GLYATL2: variants seen among roughly 807,000 people sequenced by gnomAD.
GLYATL2 encodes glycine N-acyltransferase-like protein 2.
A neutral mutation model predicts 21.4 loss-of-function variants in GLYATL2; 25 were observed. That is an observed-to-expected ratio of 1.17 (90% confidence interval 0.85 to 1.63). The LOEUF is 1.63. Among genes scored for constraint, GLYATL2 ranks in the 40% most tolerant of loss-of-function variants. The pLI, the probability that GLYATL2 is intolerant of heterozygous loss-of-function variation, is 0.00. For missense variants in GLYATL2, 361 were observed against 343.3 expected (o/e 1.05, Z -0.41); for synonymous variants, 114 against 118.2 (o/e 0.96, Z 0.23).
intron 1 of GLYATL2, among the ~76,000 whole-genome samples, chr11:58,857,399 C>T (rs1853848166): frequency 6.6e-6 from 1 of 152,144 alleles, no homozygotes; most frequent in Non-Finnish European, 1.5e-5. Context: ...AGAGAGCTTC[C>T]CTGGGTGATT....
At chr11:58,893,442 G>T in intron 1 of GLYATL2, 1 of 235,052 alleles carries the variant, frequency 4.3e-6, no homozygotes, top group South Asian at 8.4e-5. Context: ...GCTACCCACA[G>T]AATCTAGTTC....
At chr11:58,883,871 G>C (rs577978339) in intron 1 of GLYATL2, among the ~76,000 whole-genome samples, 2 of 152,140 alleles carry the variant, frequency 1.3e-5, no homozygotes, top group South Asian at 2.1e-4. Flanking sequence ...TATTCACCAC[G>C]ATCAAGTGGG....
intron 1 of GLYATL2, among the ~76,000 whole-genome samples, chr11:58,876,957 A>G (rs1327953279): frequency 2.0e-5 from 3 of 152,214 alleles, no homozygotes; most frequent in Non-Finnish European, 4.4e-5. Context: ...CTTCCAGGCC[A>G]CTTTGTTTAC....
At position 58,854,033 on chromosome 11, in the gene GLYATL2, C is replaced by T. The variant is rs570105824; in HGVS notation, n.61-15665G>A. 1.8e-4 allele frequency among the ~76,000 whole-genome samples: 28 copies of T among 152,266 alleles called. No individual in the cohort carries two copies. In the South Asian group the frequency reaches 5.8e-3, roughly 32 times the overall value. Reference sequence around the variant, plus strand: ...ATGAATTTAACTTTTTCAGATTTCACATATAAGGTAGATAATGTGATATTT... The same window carrying T: ...ATGAATTTAACTTTTTCAGATTTCATATATAAGGTAGATAATGTGATATTT... On this transcript the variant is annotated intron_variant and non_coding_transcript_variant, in intron 1 of 4. Transcript: ENST00000533636.
intron 1 of GLYATL2, among the ~76,000 whole-genome samples, chr11:58,899,393 A>C (rs990124347): frequency 1.3e-5 from 2 of 152,242 alleles, no homozygotes; most frequent in African/African-American, 4.8e-5. Flanking sequence ...GCAGGGAGGC[A>C]GAAACTAAAC....
upstream of GLYATL2, among the ~76,000 whole-genome samples, chr11:58,846,558 TC>T (rs1393934562): frequency 6.6e-6 from 1 of 151,760 alleles, no homozygotes; most frequent in East Asian, 1.9e-4. Context: ...GGCATTGAAC[TC>T]ATTGCTGTCA....
intron 1 of GLYATL2, among the ~76,000 whole-genome samples, chr11:58,894,660 G>A (rs889952730): frequency 2.6e-5 from 4 of 152,138 alleles, no homozygotes; most frequent in Non-Finnish European, 4.4e-5. Flanking sequence ...TGATTTTAAA[G>A]TGTGCAGTTC....
At chr11:58,906,681 T>C (rs1590762820), upstream of GLYATL2, among the ~76,000 whole-genome samples, 1 of 152,146 alleles carries the variant, frequency 6.6e-6, no homozygotes, top group Non-Finnish European at 1.5e-5. Flanking sequence ...CAAAGATTCA[T>C]GTTAGGGTAG....
intron 1 of GLYATL2, among the ~76,000 whole-genome samples, chr11:58,869,917 A>T (rs1041165986): frequency 6.6e-6 from 1 of 152,154 alleles, no homozygotes; most frequent in African/African-American, 2.4e-5. Context: ...CCTGAAAAAC[A>T]AAGACCCCCG....
chr11:58,879,191 A>G (rs1411082729), intron 1 of GLYATL2, among the ~76,000 whole-genome samples: 1 of 150,894 alleles, frequency 6.6e-6, no homozygotes, highest in Non-Finnish European at 1.5e-5. Context: ...TTTTTTTTCA[A>G]TCTTGCATAA....
intron 1 of GLYATL2, among the ~76,000 whole-genome samples, chr11:58,856,721 A>G (rs1485725742): frequency 6.6e-6 from 1 of 152,228 alleles, no homozygotes; most frequent in Non-Finnish European, 1.5e-5. Context: ...TTATCAATTA[A>G]GTTTGCTGTC....
intron 1 of GLYATL2, chr11:58,840,725 G>GCT (rs2134574772): frequency 6.6e-6 from 1 of 152,116 alleles, no homozygotes; most frequent in Non-Finnish European, 1.5e-5. Context: ...AGTAGTCCCA[G>GCT]CTACTCAGGA....
intron 1 of GLYATL2, among the ~76,000 whole-genome samples, chr11:58,876,704 G>A (rs896258926): frequency 9.8e-5 from 15 of 152,320 alleles, no homozygotes; most frequent in East Asian, 1.9e-4. Flanking sequence ...CCCCTACTGG[G>A]GGGTGCCTCC....
At chr11:58,849,587 A>C (rs1853704119), upstream of GLYATL2, among the ~76,000 whole-genome samples, 1 of 152,232 alleles carries the variant, frequency 6.6e-6, no homozygotes, top group African/African-American at 2.4e-5. Flanking sequence ...AGGATCTGAC[A>C]GCTTCACTGC....
chr11:58,900,650 T>G (rs1276996560), intron 1 of GLYATL2, among the ~76,000 whole-genome samples: 1 of 152,154 alleles, frequency 6.6e-6, no homozygotes, highest in African/African-American at 2.4e-5. Context: ...CTGAGAAGGT[T>G]AATTGACAAA....
chr11:58,903,941 T>C (rs1314667571), intron 1 of GLYATL2, among the ~76,000 whole-genome samples: 3 of 152,208 alleles, frequency 2.0e-5, no homozygotes, highest in Non-Finnish European at 4.4e-5. Context: ...GACACACTCA[T>C]CACTCCTGGC....
At chr11:58,904,422 G>A (rs1806567), upstream of GLYATL2, among the ~76,000 whole-genome samples, 8,646 of 152,266 alleles carry the variant, frequency 0.057, 605 homozygotes, top group African/African-American at 0.17. Context: ...TCCCTAAGGA[G>A]CACTTTTTTC....
At chr11:58,842,364 G>A (rs1853568360) in intron 1 of GLYATL2, among the ~76,000 whole-genome samples, 1 of 152,134 alleles carries the variant, frequency 6.6e-6, no homozygotes, top group Admixed American at 6.6e-5. Context: ...TTACAATGGT[G>A]AAGAGAAAAA....
chr11:58,895,480 G>A (rs1854618878), intron 1 of GLYATL2, among the ~76,000 whole-genome samples: 1 of 152,134 alleles, frequency 6.6e-6, no homozygotes, highest in Non-Finnish European at 1.5e-5. Context: ...CAAAGATCTA[G>A]CAAGGTAAGT....
Sources: gnomAD v4.1 joint callset for allele counts (sites outside exome capture counted in the v4.1 genomes callset) on GRCh38, gnomAD v4.1.1 for gene constraint, MANE v1.5 for transcripts, NCBI Gene and HGNC (gene_info 2026-07-23, HGNC 2026-07-21) for gene names.